Variants in NAV3 observed in about 807,000 individuals in gnomAD.
NAV3 encodes neuron navigator 3, also known as pore membrane and/or filament interacting like protein 1.
NAV3 carries 87 observed loss-of-function variants against 244.7 expected under a neutral mutation model. The ratio of observed to expected loss-of-function variants is 0.36; its 90% CI spans 0.30 to 0.42. The LOEUF (loss-of-function observed/expected upper bound fraction) is 0.42. Among genes scored for constraint, NAV3 ranks in the 20% least tolerant of loss-of-function variants. The probability of loss-of-function intolerance (pLI) is 1.00; values close to 1 mark genes in which losing one functional copy is unlikely to be tolerated. For missense variants in NAV3, 2,663 were observed against 2,893.3 expected, an observed-to-expected ratio of 0.92 and a Z score of 1.83; for synonymous variants, 1,126 against 1,042.2, an observed-to-expected ratio of 1.08 and a Z score of -1.55.
rs1214933751 is a variant in NAV3 at position 77,691,333 on chromosome 12, G to GTATATATATATATATATATA, written c.72+119068_72+119069insATATATATATATATATATAT. Among the ~76,000 whole-genome samples the GTATATATATATATATATATA allele has an allele frequency of 1.3e-3, 136 of 100,902 alleles. 6 individuals carry two copies. Among genetic ancestry groups the GTATATATATATATATATATA allele is most frequent in the African/African-American group, 5.1e-3 (133 of 26,076 alleles). The allele number at this position is 100,902 out of a possible 152,430, so 66.2% of individuals were successfully genotyped here. A position where few individuals can be genotyped will look rare whatever the true frequency, so the allele number is the denominator to read the frequency against. ...TAGTCATATATAAGTATTTGTGTAT[G>GTATATATATATATATATATA]TGTGTATATATATATATATATACAT... On this transcript the variant is annotated intron_variant, in intron 2 of 8. Coordinates refer to the NAV3 transcript ENST00000550042.
At chr12:77,706,163 A>T (rs1875788822) in intron 2 of NAV3, among the ~76,000 whole-genome samples, 2 of 151,416 alleles carry the variant, frequency 1.3e-5, no homozygotes. Flanking sequence ...ATTAATAAAA[A>T]GTTAATGAAA....
chr12:77,601,904 G>A (rs1870450781), intron 2 of NAV3, among the ~76,000 whole-genome samples: 1 of 151,974 alleles, frequency 6.6e-6, no homozygotes, highest in African/African-American at 2.4e-5. Context: ...AGTGATTGAA[G>A]GTAGGGGATG....
chr12:78,044,787 T>G (rs1881482318), intron 9 of NAV3, among the ~76,000 whole-genome samples: 1 of 152,248 alleles, frequency 6.6e-6, no homozygotes, highest in South Asian at 2.1e-4. Context: ...TTTTGTATCC[T>G]GAGACGTTGC....
Position 77,809,896 on chromosome 12 carries a change from C to A in NAV3, c.73-130423C>A, listed in dbSNP as rs193129523. On this transcript the variant is annotated intron_variant, in intron 2 of 8. Transcript: ENST00000550042. Reference sequence around the variant, plus strand: ...TCAGATACATACTTGGTTAATATATCAAATCTACCTTTGGTTGGGTTCGTA... The same window carrying A: ...TCAGATACATACTTGGTTAATATATAAAATCTACCTTTGGTTGGGTTCGTA... Among the ~76,000 whole-genome samples the A allele has an allele frequency of 4.1e-3, 623 of 152,160 alleles. 5 individuals carry two copies. Among genetic ancestry groups the A allele is most frequent in the South Asian group, 0.013 (62 of 4,814 alleles).
At chr12:77,999,300 A>C (rs569868783) in intron 7 of NAV3, among the ~76,000 whole-genome samples, 9 of 152,320 alleles carry the variant, frequency 5.9e-5, no homozygotes, top group African/African-American at 1.9e-4. Context: ...AATCAATAGA[A>C]CTTCAAACTT....
At chr12:77,975,598 T>C (rs1465131528) in intron 5 of NAV3, among the ~76,000 whole-genome samples, 2 of 152,182 alleles carry the variant, frequency 1.3e-5, no homozygotes, top group African/African-American at 4.8e-5. Flanking sequence ...AGGGCAGTGT[T>C]TCAGGCTGAG....
intron 2 of NAV3, among the ~76,000 whole-genome samples, chr12:77,634,742 T>A (rs1213184778): frequency 1.3e-5 from 2 of 151,994 alleles, no homozygotes; most frequent in Non-Finnish European, 2.9e-5. Flanking sequence ...CAGTGGTAAT[T>A]TTTTTAATTC....
At chr12:77,581,968 G>A (rs1401412991) in intron 2 of NAV3, among the ~76,000 whole-genome samples, 2 of 152,136 alleles carry the variant, frequency 1.3e-5, no homozygotes, top group Non-Finnish European at 2.9e-5. Flanking sequence ...TATGTGAATA[G>A]CAACATACAA....
chr12:78,146,708 T>C (rs1322550128), intron 21 of NAV3, among the ~76,000 whole-genome samples: 1 of 152,050 alleles, frequency 6.6e-6, no homozygotes, highest in Non-Finnish European at 1.5e-5. Flanking sequence ...TTTATTACAG[T>C]CTTTTTCCCA....
chr12:78,192,772 T>TA (rs1959041361), intron 34 of NAV3, among the ~76,000 whole-genome samples: 1 of 152,100 alleles, frequency 6.6e-6, no homozygotes, highest in Non-Finnish European at 1.5e-5. Flanking sequence ...AAATTATAAC[T>TA]AAAAAATATT....
At position 77,840,199 on chromosome 12, in the gene NAV3, G is replaced by T. The variant is rs1363751749; in HGVS notation, c.243+8495G>T. ...AGTGTGTTGTGTTTATAAACCTACA[G>T]GTTACTCACCAATCTTAGGATGTAG... On this transcript the variant is annotated intron_variant, in intron 1 of 39. Transcript: ENST00000397909. 2.6e-5 allele frequency among the ~76,000 whole-genome samples: 4 copies of T among 152,214 alleles called. No individual in the cohort carries two copies. In the East Asian group the frequency reaches 5.8e-4, roughly 22 times the overall value.
At chr12:77,889,486 T>C (rs2136720902) in intron 1 of NAV3, among the ~76,000 whole-genome samples, 1 of 152,310 alleles carries the variant, frequency 6.6e-6, no homozygotes, top group Non-Finnish European at 1.5e-5. Flanking sequence ...GGTAGACATA[T>C]CTATGGCTGA....
intron 20 of NAV3, among the ~76,000 whole-genome samples, chr12:78,140,784 A>G (rs1956575302): frequency 1.3e-5 from 2 of 151,638 alleles, no homozygotes; most frequent in African/African-American, 4.8e-5. Flanking sequence ...GGGTAAAAGC[A>G]GTAAGGGTAA....
chr12:77,995,194 A>G (rs866379919), intron 6 of NAV3, among the ~76,000 whole-genome samples: 1 of 152,232 alleles, frequency 6.6e-6, no homozygotes, highest in Non-Finnish European at 1.5e-5. Flanking sequence ...TCTGGAAGTT[A>G]TACAACAAAA....
intron 31 of NAV3, among the ~76,000 whole-genome samples, 185 bp downstream of exon 31, chr12:78,185,883 G>A (rs570335367): frequency 1.2e-3 from 188 of 151,982 alleles, no homozygotes; most frequent in African/African-American, 4.4e-3. Flanking sequence ...AGGTAGAAAT[G>A]TGTCTTACAT....
chr12:78,206,568 C>G (rs990711262), intron 39 of NAV3, among the ~76,000 whole-genome samples: 3 of 152,092 alleles, frequency 2.0e-5, no homozygotes, highest in Non-Finnish European at 4.4e-5. Context: ...TCCCAATTCT[C>G]ATAGTCCAGC....
chr12:78,000,499 A>ATTTTTT (rs1202996900), intron 7 of NAV3, among the ~76,000 whole-genome samples: 1 of 103,300 alleles, frequency 9.7e-6, no homozygotes, highest in African/African-American at 3.6e-5. Flanking sequence ...CACTTAAAAC[A>ATTTTTT]TTTTTTTTTT....
chr12:77,600,805 A>G (rs1366205436), intron 2 of NAV3, among the ~76,000 whole-genome samples: 1 of 152,020 alleles, frequency 6.6e-6, no homozygotes, highest in East Asian at 1.9e-4. Context: ...AGGCCAATCT[A>G]GCAGACATTG....
rs61516625 is a variant in NAV3, at chr12:77,859,758, C to CAAAAAAAAAAAAAAA, written c.243+28062_243+28076dup. On this transcript the variant is annotated intron_variant, in intron 1 of 39. Transcript: ENST00000397909. ...CAAGCATTTCCCATGCTTTCAAATG[C>CAAAAAAAAAAAAAAA]AAAAAAAAAAAAAAAAAAAAAAGAC... 8.7e-5 allele frequency among the ~76,000 whole-genome samples: 6 copies of CAAAAAAAAAAAAAAA among 68,724 alleles called. 1 individual carries two copies. Among genetic ancestry groups the CAAAAAAAAAAAAAAA allele is most frequent in the Non-Finnish European group, 1.1e-4 (4 of 36,458 alleles). The allele number at this position is 68,724 out of a possible 152,430, so 45.1% of individuals were successfully genotyped here. A position where few individuals can be genotyped will look rare whatever the true frequency, so the allele number is the denominator to read the frequency against.
Sources: gnomAD v4.1 joint callset for allele counts (sites outside exome capture counted in the v4.1 genomes callset) on GRCh38, gnomAD v4.1.1 for gene constraint, MANE v1.5 for transcripts, NCBI Gene and HGNC (gene_info 2026-07-23, HGNC 2026-07-21) for gene names.